Variants in PEBP4 observed in about 807,000 individuals in gnomAD.
PEBP4 encodes phosphatidylethanolamine binding protein 4.
A neutral mutation model predicts 23.9 loss-of-function variants in PEBP4; 22 were observed. The observed-to-expected ratio is 0.92, with a 90% CI of 0.66 to 1.31. The LOEUF (loss-of-function observed/expected upper bound fraction) is 1.31. PEBP4 is among the 40% of genes most tolerant of loss of function. PEBP4 has a pLI of 0.00. For synonymous variants in PEBP4, 112 were observed against 99.3 expected (o/e 1.13, Z -0.76); for missense variants, 324 against 281.7 (o/e 1.15, Z -1.07).
chr8:22,880,691 C>T (rs1025486621), intron 3 of PEBP4: 1 of 152,710 alleles, frequency 6.5e-6, no homozygotes, highest in South Asian at 2.1e-4. Flanking sequence ...TTCCCGATAC[C>T]TTCCTCCCCA....
chr8:22,931,394 C>T (rs1489342372), upstream of PEBP4, among the ~76,000 whole-genome samples: 2 of 152,076 alleles, frequency 1.3e-5, no homozygotes, highest in Admixed American at 6.6e-5. Flanking sequence ...CACCCCATTC[C>T]TCCCTACCCC....
chr8:22,792,493 C>T (rs1806159825), intron 4 of PEBP4, among the ~76,000 whole-genome samples: 1 of 152,032 alleles, frequency 6.6e-6, no homozygotes, highest in Admixed American at 6.6e-5. Context: ...TTCTATGATT[C>T]CAGGTGATTT....
At chr8:22,838,760 G>A (rs559089543) in intron 3 of PEBP4, among the ~76,000 whole-genome samples, 1 of 152,386 alleles carries the variant, frequency 6.6e-6, no homozygotes, top group East Asian at 1.9e-4. Context: ...CGCCGCAGTC[G>A]CCAGGGCCCC....
At chr8:22,795,838 A>G (rs898650866) in intron 4 of PEBP4, among the ~76,000 whole-genome samples, 1 of 152,258 alleles carries the variant, frequency 6.6e-6, no homozygotes, top group Non-Finnish European at 1.5e-5. Context: ...TAGTATAAAA[A>G]TAACGAATTT....
At chr8:22,763,602 T>G (rs1339116700) in intron 4 of PEBP4, among the ~76,000 whole-genome samples, 2 of 152,196 alleles carry the variant, frequency 1.3e-5, no homozygotes, top group African/African-American at 4.8e-5. Flanking sequence ...AATGCGAGTG[T>G]CTGCCTCACA....
chr8:22,918,229 A>G (rs1190085287), intron 3 of PEBP4, among the ~76,000 whole-genome samples: 2 of 152,210 alleles, frequency 1.3e-5, no homozygotes, highest in African/African-American at 4.8e-5. Flanking sequence ...ACATTTCCAT[A>G]AACTATAGTT....
intron 1 of PEBP4, among the ~76,000 whole-genome samples, chr8:22,934,919 G>A (rs1423957929): frequency 1.3e-5 from 2 of 152,002 alleles, no homozygotes; most frequent in Non-Finnish European, 2.9e-5. Context: ...GAAAGAGAAA[G>A]GATTTAAAAA....
chr8:22,863,946 T>G (rs1029837773), intron 3 of PEBP4, among the ~76,000 whole-genome samples: 1 of 152,096 alleles, frequency 6.6e-6, no homozygotes, highest in Admixed American at 6.5e-5. Context: ...GTCCGGACTT[T>G]TATCATCTCT....
intron 3 of PEBP4, among the ~76,000 whole-genome samples, chr8:22,830,932 G>C (rs1807072616): frequency 6.6e-6 from 1 of 152,188 alleles, no homozygotes. Context: ...TGATCCTGCT[G>C]CTTAAAATCC....
chr8:22,843,858 C>T (rs1158145868), intron 3 of PEBP4, among the ~76,000 whole-genome samples: 2 of 152,204 alleles, frequency 1.3e-5, no homozygotes, highest in Non-Finnish European at 2.9e-5. Context: ...AGGAGTGAGG[C>T]GATGCCCCTC....
At chr8:22,789,822 C>T (rs1585273454) in intron 4 of PEBP4, among the ~76,000 whole-genome samples, 1 of 152,376 alleles carries the variant, frequency 6.6e-6, no homozygotes, top group East Asian at 1.9e-4. Context: ...CTCTGCTAAC[C>T]CTCCAATGCA....
intron 2 of PEBP4, chr8:22,924,529 G>A: frequency 2.5e-6 from 1 of 401,186 alleles, no homozygotes; most frequent in Non-Finnish European, 3.4e-6. Flanking sequence ...AACTAGACTA[G>A]TTTGTGCACC....
intron 3 of PEBP4, among the ~76,000 whole-genome samples, chr8:22,863,811 G>A (rs1192220656): frequency 6.6e-6 from 1 of 152,176 alleles, no homozygotes; most frequent in Non-Finnish European, 1.5e-5. Context: ...GGAGATGTTA[G>A]GCCTGCCTAA....
chr8:22,780,045 C>T (rs1805884904), intron 4 of PEBP4, among the ~76,000 whole-genome samples: 1 of 151,736 alleles, frequency 6.6e-6, no homozygotes, highest in East Asian at 1.9e-4. Context: ...GCCTCTCTGG[C>T]TCAGGTGATC....
At chr8:22,730,904 G>A (rs1227205436) in intron 4 of PEBP4, among the ~76,000 whole-genome samples, 3 of 152,170 alleles carry the variant, frequency 2.0e-5, no homozygotes, top group Non-Finnish European at 4.4e-5. Context: ...GATGAGGGAA[G>A]GTTTATGGCC....
chr8:22,787,738 A>G (rs564005873), intron 4 of PEBP4, among the ~76,000 whole-genome samples: 33 of 152,294 alleles, frequency 2.2e-4, no homozygotes, highest in South Asian at 1.9e-3. Context: ...GGCTACGACT[A>G]TGAGTAATTG....
intron 5 of PEBP4, among the ~76,000 whole-genome samples, chr8:22,726,034 C>A (rs117251891): frequency 5.1e-5 from 5 of 97,984 alleles, no homozygotes; most frequent in Non-Finnish European, 7.8e-5. Flanking sequence ...TGTGTGTGCA[C>A]GCGCATGTGC....
At chr8:22,733,606 G>A (rs182003622) in intron 4 of PEBP4, among the ~76,000 whole-genome samples, 5 of 152,112 alleles carry the variant, frequency 3.3e-5, no homozygotes, top group African/African-American at 1.2e-4. Flanking sequence ...ACTCAGGCTC[G>A]TGGTGCCTCA....
At chr8:22,871,858 C>T (rs1808014171) in intron 3 of PEBP4, among the ~76,000 whole-genome samples, 1 of 152,080 alleles carries the variant, frequency 6.6e-6, no homozygotes, top group Admixed American at 6.5e-5. Flanking sequence ...GCCCTGATTT[C>T]TGGGATTTTA....
Sources: allele counts gnomAD v4.1 joint callset (sites outside exome capture counted in the v4.1 genomes callset), GRCh38; gene constraint gnomAD v4.1.1; transcripts MANE v1.5; gene names NCBI Gene and HGNC (gene_info 2026-07-23, HGNC 2026-07-21).